Variants in EDIL3 observed in about 807,000 individuals in gnomAD.
EDIL3 encodes EGF like and discoidin domains 3, also known as EGF-like repeat and discoidin I-like domain-containing protein 3.
A neutral mutation model predicts 67.4 loss-of-function variants in EDIL3; 37 were observed. The ratio of observed to expected loss-of-function variants is 0.55; its 90% CI spans 0.42 to 0.72. EDIL3 has a LOEUF of 0.72. Among genes scored for constraint, EDIL3 ranks in the 30% least tolerant of loss-of-function variants. EDIL3 has a pLI of 0.00. For missense variants in EDIL3, 527 were observed against 586.3 expected, an observed-to-expected ratio of 0.90 and a Z score of 1.04; for synonymous variants, 195 against 196.3, an observed-to-expected ratio of 0.99 and a Z score of 0.05.
intron 10 of EDIL3, among the ~76,000 whole-genome samples, chr5:83,946,404 T>C (rs1205389294): frequency 6.6e-6 from 1 of 151,870 alleles, no homozygotes; most frequent in African/African-American, 2.4e-5. Context: ...ACACTCAAGG[T>C]ACTTTGCAGA....
At chr5:84,049,971 G>A (rs112179457) in intron 9 of EDIL3, among the ~76,000 whole-genome samples, 10 of 151,918 alleles carry the variant, frequency 6.6e-5, no homozygotes, top group South Asian at 2.1e-4. Context: ...AGGCCGAGAC[G>A]GGTGGATCAT....
intron 1 of EDIL3, among the ~76,000 whole-genome samples, chr5:84,285,534 A>G (rs1457208506): frequency 6.6e-6 from 1 of 152,254 alleles, no homozygotes; most frequent in Non-Finnish European, 1.5e-5. Context: ...ATAAATGCCC[A>G]GATGAGTAAA....
intron 3 of EDIL3, among the ~76,000 whole-genome samples, chr5:84,222,145 G>A (rs933364367): frequency 1.3e-5 from 2 of 151,744 alleles, no homozygotes; most frequent in African/African-American, 4.8e-5. Flanking sequence ...TGATGTTTTT[G>A]TGTAACTAAA....
At chr5:84,298,190 T>C (rs1746088913) in intron 1 of EDIL3, among the ~76,000 whole-genome samples, 1 of 152,160 alleles carries the variant, frequency 6.6e-6, no homozygotes, top group South Asian at 2.1e-4. Flanking sequence ...CGTGTATTCC[T>C]TGCAGCACTA....
chr5:83,955,227 T>C (rs2112121342), intron 10 of EDIL3, among the ~76,000 whole-genome samples: 1 of 151,802 alleles, frequency 6.6e-6, no homozygotes, highest in Non-Finnish European at 1.5e-5. Context: ...TTCTGATGAG[T>C]GGTGGAAGAT....
Position 84,167,303 on chromosome 5 carries a change from T to C in EDIL3, c.355+13090A>G, listed in dbSNP as rs72776525. Reference sequence around the variant, plus strand: ...TAGATAACTCTTCTAAGGAGTTTGATTGGAAAGTGTAGAACCAGAACAATA... The same window carrying C: ...TAGATAACTCTTCTAAGGAGTTTGACTGGAAAGTGTAGAACCAGAACAATA... On this transcript the variant is annotated intron_variant, in intron 4 of 10. Transcript: ENST00000296591. Among the ~76,000 whole-genome samples, 755 of 152,144 alleles carry C rather than the reference T, an allele frequency of 5.0e-3. 5 individuals are homozygous for C. The highest frequency in any genetic ancestry group is 7.5e-3 in the Non-Finnish European group (508 of 67,998).
At chr5:84,370,798 C>T (rs2112211728) in intron 1 of EDIL3, among the ~76,000 whole-genome samples, 1 of 152,226 alleles carries the variant, frequency 6.6e-6, no homozygotes, top group South Asian at 2.1e-4. Context: ...TACCATGATT[C>T]ACAAGTCAAT....
intron 4 of EDIL3, among the ~76,000 whole-genome samples, chr5:84,141,938 TATATATATACATAG>T (rs1561443807): frequency 9.8e-4 from 133 of 135,680 alleles, no homozygotes; most frequent in African/African-American, 3.6e-3. Flanking sequence ...TATATATATA[TATATATATACATAG>T]ATCTATCTAT....
intron 1 of EDIL3, among the ~76,000 whole-genome samples, chr5:84,383,523 C>T (rs891937606): frequency 2.6e-5 from 4 of 152,122 alleles, no homozygotes; most frequent in African/African-American, 9.7e-5. Context: ...AAGGCATCAC[C>T]CTACAAGCTC....
chr5:84,070,137 C>T (rs1007305450), intron 6 of EDIL3, among the ~76,000 whole-genome samples: 1 of 152,196 alleles, frequency 6.6e-6, no homozygotes, highest in Non-Finnish European at 1.5e-5. Flanking sequence ...ATCCACCTCA[C>T]TGAGAGCTGC....
At chr5:84,013,385 T>C (rs1337593098) in intron 9 of EDIL3, among the ~76,000 whole-genome samples, 1 of 152,176 alleles carries the variant, frequency 6.6e-6, no homozygotes, top group African/African-American at 2.4e-5. Context: ...GAGTGATTTA[T>C]AGCTAGAAAG....
At chr5:84,038,210 T>C (rs1159417544) in intron 9 of EDIL3, among the ~76,000 whole-genome samples, 3 of 151,964 alleles carry the variant, frequency 2.0e-5, no homozygotes, top group Admixed American at 2.0e-4. Context: ...GTGGCTCTCC[T>C]TACGCGGTAG....
intron 1 of EDIL3, among the ~76,000 whole-genome samples, chr5:84,291,642 C>A (rs991502492): frequency 5.5e-5 from 8 of 145,998 alleles, no homozygotes; most frequent in Non-Finnish European, 7.5e-5. Context: ...GTGTATATAT[C>A]TATCTATATC....
At chr5:84,099,966 T>C (rs1279501150) in intron 6 of EDIL3, among the ~76,000 whole-genome samples, 8 of 151,612 alleles carry the variant, frequency 5.3e-5, no homozygotes, top group Non-Finnish European at 8.8e-5. Flanking sequence ...CCAAAAATCA[T>C]ATGAAAAAAA....
intron 5 of EDIL3, among the ~76,000 whole-genome samples, chr5:84,120,750 C>G (rs1052296192): frequency 6.6e-5 from 10 of 151,704 alleles, no homozygotes; most frequent in Non-Finnish European, 1.5e-4. Flanking sequence ...CACATGAAAC[C>G]AAAGGAAAAT....
intron 5 of EDIL3, among the ~76,000 whole-genome samples, chr5:84,114,738 C>T (rs1204257090): frequency 6.6e-6 from 1 of 152,174 alleles, no homozygotes; most frequent in Admixed American, 6.5e-5. Flanking sequence ...ATCAGATGGG[C>T]AGCATAGCTT....
intron 6 of EDIL3, among the ~76,000 whole-genome samples, chr5:84,081,790 A>AT: frequency 6.6e-6 from 1 of 152,196 alleles, no homozygotes; most frequent in Non-Finnish European, 1.5e-5. Flanking sequence ...CTGTTGAAAC[A>AT]TTTTAAGGAG....
intron 3 of EDIL3, among the ~76,000 whole-genome samples, chr5:84,189,475 CAATA>C (rs746766821): frequency 6.6e-5 from 10 of 151,744 alleles, no homozygotes; most frequent in Non-Finnish European, 1.5e-4. Flanking sequence ...TCCTTTTCTT[CAATA>C]AATAAATATC....
intron 4 of EDIL3, among the ~76,000 whole-genome samples, chr5:84,146,846 G>A (rs1748298427): frequency 2.0e-5 from 3 of 151,026 alleles, no homozygotes; most frequent in South Asian, 2.1e-4. Flanking sequence ...TTTTTTTCTC[G>A]GTCACAATTC....
Sources: gnomAD v4.1 joint callset for allele counts (sites outside exome capture counted in the v4.1 genomes callset) on GRCh38, gnomAD v4.1.1 for gene constraint, MANE v1.5 for transcripts, NCBI Gene and HGNC (gene_info 2026-07-23, HGNC 2026-07-21) for gene names.